ZNF547: variants seen among roughly 807,000 people sequenced by gnomAD.
ZNF547 encodes zinc finger protein 547.
Under a neutral mutation model 7.7 loss-of-function variants are expected in ZNF547, and 4 were observed. That is an observed-to-expected ratio of 0.52 (90% CI 0.26 to 1.20). The LOEUF is 1.20. ZNF547 is among the 50% of genes most tolerant of loss of function. The probability of loss-of-function intolerance (pLI) is 0.14; values close to 1 mark genes in which losing one functional copy is unlikely to be tolerated. For missense variants in ZNF547, 449 were observed against 485.8 expected (o/e 0.92, Z 0.71); for synonymous variants, 166 against 166.2 (o/e 1.00, Z 0.01).
intron 2 of ZNF547, among the ~76,000 whole-genome samples, chr19:57,369,963 G>T (rs1276715113): frequency 8.1e-6 from 1 of 123,394 alleles, no homozygotes; most frequent in East Asian, 2.6e-4. Context: ...CACAATCTCG[G>T]CTCACTGCAA....
In ZNF547 at chr19:57,377,645, T is replaced by A. The variant is rs755784970; in HGVS notation, c.669T>A (p.Cys223Ter). Residue 223 changes from cysteine (C) to a stop codon, truncating the protein, a stop_gained, in exon 4 of 4, where the codon TGT becomes TGA. Transcript: ENST00000282282. LOFTEE classifies it low-confidence loss of function (END_TRUNC). Reference protein sequence around the residue: ...ECNECGKAFLCKSHLVRHQTI... With the variant: ...ECNECGKAFL ...ATGAATGTGGGAAAGCCTTTCTTTG[T>A]AAGTCTCACCTTGTTCGTCACCAGA... The A allele has an allele frequency of 6.2e-7, 1 of 1,611,348 alleles. No individual in the cohort carries two copies. The highest frequency in any genetic ancestry group is 1.7e-4 in the Middle Eastern group (1 of 6,026).
chr19:57,378,713 C>A lies in ZNF547; in HGVS notation c.*528C>A. Reference sequence around the variant, plus strand: ...TAAAAAACAATGGTGAAGTACATGCCACATAAAATTTGCCATCTTAACTAT... The same window carrying A: ...TAAAAAACAATGGTGAAGTACATGCAACATAAAATTTGCCATCTTAACTAT... On this transcript the variant is annotated 3_prime_UTR_variant, in exon 4 of 4. Transcript: ENST00000282282. The A allele has an allele frequency of 2.5e-6, 1 of 406,510 alleles. No homozygotes were observed. Among genetic ancestry groups the A allele is most frequent in the East Asian group, 7.3e-5 (1 of 13,638 alleles). The allele number at this position is 406,510 out of a possible 1,614,324, so 25.2% of individuals were successfully genotyped here.
At chr19:57,372,019 T>C in intron 3 of ZNF547, 111 bp downstream of exon 3, 1 of 1,438,226 alleles carries the variant, frequency 7.0e-7, no homozygotes, top group African/African-American at 1.4e-5. Flanking sequence ...CTTCTTTTCC[T>C]TGTTTCCTGA....
rs1396480086 is a variant in ZNF547, at chr19:57,379,327, C to T, written c.*1142C>T. The T allele has an allele frequency of 6.6e-6, 1 of 152,216 alleles. No homozygotes were observed. The highest frequency in any genetic ancestry group is 2.4e-5 in the African/African-American group (1 of 41,436). The allele number at this position is 152,216 out of a possible 1,614,324, so 9.4% of individuals were successfully genotyped here. On this transcript the variant is annotated 3_prime_UTR_variant, in exon 4 of 4. Transcript: ENST00000282282. Reference sequence around the variant, plus strand: ...GTTGTGATTTGTCCTCATTCTAATCCATAGAAGGCAACATTTCTAACAGGT... The same window carrying T: ...GTTGTGATTTGTCCTCATTCTAATCTATAGAAGGCAACATTTCTAACAGGT...
At position 57,363,603 on chromosome 19, in the gene ZNF547, C is replaced by G. The variant is rs967679233; in HGVS notation, c.-113C>G. The G allele has an allele frequency of 4.6e-5, 7 of 153,176 alleles. No homozygotes were observed. The highest frequency in any genetic ancestry group is 1.7e-4 in the African/African-American group (7 of 41,596). 9.5% of individuals were successfully genotyped at this position (153,176 alleles called of 1,614,324 possible). A position where few individuals can be genotyped will look rare whatever the true frequency, so the allele number is the denominator to read the frequency against. On this transcript the variant is annotated 5_prime_UTR_variant, in exon 1 of 4. Transcript: ENST00000282282. The stretch of plus-strand genomic sequence containing the variant: ...ACAACTGACAGTGGCAGAAGCTCAG[C>G]TGACAAGGACTGGGGACGGCGGTGT...
At chr19:57,375,518 C>T (rs749302977) in intron 3 of ZNF547, among the ~76,000 whole-genome samples, 3 of 151,572 alleles carry the variant, frequency 2.0e-5, no homozygotes, top group African/African-American at 4.9e-5. Flanking sequence ...AAAAATTAGC[C>T]GGGCATGGTG....
intron 2 of ZNF547, 150 bp downstream of exon 2, chr19:57,368,729 T>A: frequency 1.4e-6 from 1 of 738,588 alleles, no homozygotes; most frequent in Non-Finnish European, 2.3e-6. Flanking sequence ...CCAGTTCTAG[T>A]ATCTTAAATT....
At position 57,377,544 on chromosome 19, in the gene ZNF547, G is replaced by A; in HGVS notation, c.568G>A (p.Gly190Arg). The change falls in exon 4 of 4, where the codon GGG (glycine) becomes AGG (arginine). Residue 190 changes from glycine to arginine, a missense_variant. Gly to Arg is a moderately radical substitution (Grantham distance 125, BLOSUM62 -2). Coordinates refer to ENST00000282282, the MANE Select transcript of ZNF547 (RefSeq NM_173631.4). ...AAGAACTTATAAGTGCAGCAAATGTGGGATATTGTTTATGGAAAGGTCCAC... is the reference window on the plus strand; with the variant it reads ...AAGAACTTATAAGTGCAGCAAATGTAGGATATTGTTTATGGAAAGGTCCAC... ...GERTYKCSKC[G>R]ILFMERSTLN... 2 of 1,614,200 alleles carry A rather than the reference G, an allele frequency of 1.2e-6. No individual in the cohort carries two copies. Among genetic ancestry groups the A allele is most frequent in the Non-Finnish European group, 1.7e-6 (2 of 1,180,038 alleles).
intron 3 of ZNF547, among the ~76,000 whole-genome samples, chr19:57,375,371 C>A (rs955379557): frequency 2.6e-5 from 4 of 151,086 alleles, no homozygotes; most frequent in African/African-American, 9.8e-5. Flanking sequence ...CGATACTTGG[C>A]CAGGCTTGGT....
chr19:57,374,352 T>C (rs1254075682), intron 3 of ZNF547, among the ~76,000 whole-genome samples: 3 of 152,224 alleles, frequency 2.0e-5, no homozygotes, highest in African/African-American at 7.2e-5. Flanking sequence ...GCAGCTGGGA[T>C]GCAGGGCTCC....
Position 57,377,810 on chromosome 19 carries a change from G to T in ZNF547, c.834G>T (p.Lys278Asn), listed in dbSNP as rs375039218. 6.2e-7 allele frequency: 1 copy of T among 1,614,056 alleles called. No homozygotes were observed. The highest frequency in any genetic ancestry group is 1.1e-5 in the South Asian group (1 of 91,080). ...GCAGTGAATGTGGGAAGTTCTTTAA[G>T]TGCAACTCAAACCTCTTTAGGCATT... ...YGCSECGKFF[K>N]CNSNLFRHYR... The change falls in exon 4 of 4, where the codon AAG (lysine) becomes AAT (asparagine). Residue 278 changes from lysine (K) to asparagine (N), a missense_variant. Transcript: ENST00000282282.
chr19:57,364,444 T>TG, intron 1 of ZNF547: 1 of 204,476 alleles, frequency 4.9e-6, no homozygotes, highest in Non-Finnish European at 1.0e-5. Context: ...TGTAGATTCT[T>TG]CAAAAGAATA....
At chr19:57,367,578 A>G (rs1035323975) in intron 1 of ZNF547, among the ~76,000 whole-genome samples, 3 of 152,210 alleles carry the variant, frequency 2.0e-5, no homozygotes, top group Non-Finnish European at 2.9e-5. Flanking sequence ...AGGTGGAGCC[A>G]TAAGCCAGAT....
intron 2 of ZNF547, among the ~76,000 whole-genome samples, chr19:57,369,753 G>T (rs1329027468): frequency 6.6e-6 from 1 of 151,988 alleles, no homozygotes; most frequent in Non-Finnish European, 1.5e-5. Flanking sequence ...GCTGAGGAGG[G>T]TAATAGGGTG....
chr19:57,371,265 A>G (rs1004751057), intron 2 of ZNF547, among the ~76,000 whole-genome samples: 10 of 152,108 alleles, frequency 6.6e-5, no homozygotes, highest in African/African-American at 2.4e-4. Flanking sequence ...ATGGAGTTTT[A>G]ATTTATGGAT....
rs772508419 is a variant in ZNF547, at chr19:57,378,775, T to C, written c.*590T>C. ...GTTTAATACTTGAAGTACATTAACA[T>C]TGTTGAGCAAAGAATATCCTGAACT... On this transcript the variant is annotated 3_prime_UTR_variant, in exon 4 of 4. Transcript: ENST00000282282. 2.2e-6 allele frequency: 1 copy of C among 452,144 alleles called. No homozygotes were observed. The highest frequency in any genetic ancestry group is 2.6e-5 in the Admixed American group (1 of 38,842). The allele number at this position is 452,144 out of a possible 1,614,324, so 28.0% of individuals were successfully genotyped here. A position where few individuals can be genotyped will look rare whatever the true frequency, so the allele number is the denominator to read the frequency against.
intron 3 of ZNF547, 101 bp downstream of exon 3, chr19:57,372,009 C>A: frequency 7.0e-7 from 1 of 1,436,308 alleles, no homozygotes; most frequent in Non-Finnish European, 9.2e-7. Context: ...ATGGGTGCTG[C>A]TTCTTTTCCT....
At chr19:57,367,763 G>T (rs950876263) in intron 1 of ZNF547, among the ~76,000 whole-genome samples, 4 of 152,178 alleles carry the variant, frequency 2.6e-5, no homozygotes, top group Non-Finnish European at 4.4e-5. Context: ...TGTGGGAAAA[G>T]AAAAAAGTTA....
Position 57,378,739 on chromosome 19 carries a change from T to C in ZNF547, c.*554T>C, listed in dbSNP as rs2088555661. 2.3e-6 allele frequency: 1 copy of C among 433,698 alleles called. No individual in the cohort carries two copies. Among genetic ancestry groups the C allele is most frequent in the Non-Finnish European group, 4.5e-6 (1 of 220,292 alleles). The allele number at this position is 433,698 out of a possible 1,614,324, so 26.9% of individuals were successfully genotyped here. On this transcript the variant is annotated 3_prime_UTR_variant, in exon 4 of 4. Transcript: ENST00000282282. Reference sequence around the variant, plus strand: ...ACATAAAATTTGCCATCTTAACTATTGTAATGTCTTGTTTAATACTTGAAG... The same window carrying C: ...ACATAAAATTTGCCATCTTAACTATCGTAATGTCTTGTTTAATACTTGAAG...
Sources: allele counts gnomAD v4.1 joint callset (sites outside exome capture counted in the v4.1 genomes callset), GRCh38; gene constraint gnomAD v4.1.1; transcripts MANE v1.5; gene names NCBI Gene and HGNC (gene_info 2026-07-23, HGNC 2026-07-21).